MYO5A: variants seen among roughly 807,000 people sequenced by gnomAD.
MYO5A encodes the protein myosin VA.
In MYO5A, 98 loss-of-function variants were observed where a neutral mutation model predicts 249.7. That is an observed-to-expected ratio of 0.39 (90% CI 0.33 to 0.46). The LOEUF (loss-of-function observed/expected upper bound fraction) is 0.46, where lower values mean the gene tolerates loss of function less well. MYO5A is among the 20% of genes least tolerant of loss of function. The probability of loss-of-function intolerance (pLI) is 0.98; values close to 1 mark genes in which losing one functional copy is unlikely to be tolerated. For synonymous variants in MYO5A, 778 were observed against 810.6 expected, an observed-to-expected ratio of 0.96 and a Z score of 0.68; for missense variants, 1,696 against 2,308.8, an observed-to-expected ratio of 0.73 and a Z score of 5.44.
rs376965630 is a variant in MYO5A, at chr15:52,381,809, C to CACACAT, written c.2012+1281_2012+1282insATGTGT. 8.6e-5 allele frequency among the ~76,000 whole-genome samples: 13 copies of CACACAT among 151,824 alleles called. No homozygotes were observed. In the East Asian group the frequency reaches 1.2e-3, roughly 14 times the overall value. ...ACACACACACACACACACACACACA[C>CACACAT]GGAGCATGGAGGGAAGGGAAGGTGG... On this transcript the variant is annotated intron_variant, in intron 16 of 41. Coordinates refer to ENST00000399233, the MANE Select transcript of MYO5A (RefSeq NM_001382347.1).
At chr15:52,344,314 C>G (rs2039515487) in intron 30 of MYO5A, among the ~76,000 whole-genome samples, 1 of 152,164 alleles carries the variant, frequency 6.6e-6, no homozygotes, top group Admixed American at 6.5e-5. Flanking sequence ...ATTTCTTTCT[C>G]TGGATGTTTT....
At position 52,433,277 on chromosome 15, in the gene MYO5A, C is replaced by G. The variant is rs764703163; in HGVS notation, c.36G>C (p.Arg12Ser). Residue 12 changes from arginine to serine, a missense_variant, in exon 2 of 42, where the codon AGG (arginine) becomes AGC (serine). This residue lies in a region of MYO5A where 197 missense variants were observed against 320.3 expected (regional missense o/e 0.62). Transcript: ENST00000399233. ...AASELYTKFA[R>S]VWIPDPEEVW... The stretch of plus-strand genomic sequence containing the variant: ...CTTCCTCTGGATCAGGTATCCAAAC[C>G]CTGGCAAACTAGAAGACAAAAAGAA... 1 of 1,612,132 alleles carries G rather than the reference C, an allele frequency of 6.2e-7. No homozygotes were observed. The highest frequency in any genetic ancestry group is 8.5e-7 in the Non-Finnish European group (1 of 1,178,550).
At position 52,389,430 on chromosome 15, in the gene MYO5A, T is replaced by C. The variant is rs528345103; in HGVS notation, c.1543-67A>G. Reference sequence around the variant, plus strand: ...ACTGTGATTCCTCTAAAGCATCAGCTGTCAAAAGATCTTTTATTTTTTTTT... The same window carrying C: ...ACTGTGATTCCTCTAAAGCATCAGCCGTCAAAAGATCTTTTATTTTTTTTT... On this transcript the variant is annotated intron_variant, in intron 12 of 41. Transcript: ENST00000399233. 16 of 1,472,612 alleles carry C rather than the reference T, an allele frequency of 1.1e-5. No homozygotes were observed. In the African/African-American group the frequency reaches 2.0e-4, roughly 18 times the overall value. The allele number at this position is 1,472,612 out of a possible 1,614,324, so 91.2% of individuals were successfully genotyped here.
At chr15:52,345,484 C>T (rs2039576715) in intron 30 of MYO5A, among the ~76,000 whole-genome samples, 1 of 151,456 alleles carries the variant, frequency 6.6e-6, no homozygotes, top group Admixed American at 6.6e-5. Flanking sequence ...ACTCGAGAGG[C>T]TGAGGCAGGA....
chr15:52,482,910 A>G (rs561466293), intron 1 of MYO5A, among the ~76,000 whole-genome samples: 54 of 152,272 alleles, frequency 3.5e-4, no homozygotes, highest in African/African-American at 1.3e-3. Flanking sequence ...GGCTTCTATC[A>G]TTGCAATGGA....
intron 1 of MYO5A, among the ~76,000 whole-genome samples, chr15:52,491,138 C>T (rs2076928256): frequency 6.6e-6 from 1 of 152,170 alleles, no homozygotes; most frequent in African/African-American, 2.4e-5. Flanking sequence ...TTTAAGTATA[C>T]ATTTACATTC....
intron 1 of MYO5A, among the ~76,000 whole-genome samples, chr15:52,523,351 C>A (rs952861085): frequency 5.3e-5 from 8 of 152,136 alleles, no homozygotes; most frequent in African/African-American, 1.9e-4. Flanking sequence ...CTTGTTTAAC[C>A]ACATCTTTAT....
chr15:52,361,076 G>T (rs16964915), intron 24 of MYO5A, among the ~76,000 whole-genome samples: 14,793 of 152,072 alleles, frequency 0.097, 2,243 homozygotes, highest in African/African-American at 0.33. Flanking sequence ...CCAGAGGCAC[G>T]TAAAAGTCTC....
At chr15:52,377,044 T>C (rs1011169484) in intron 18 of MYO5A, among the ~76,000 whole-genome samples, 8 of 136,862 alleles carry the variant, frequency 5.8e-5, no homozygotes, top group East Asian at 2.2e-4. Flanking sequence ...GGTATTCATA[T>C]TGAGTTATGT....
At chr15:52,416,996 T>C (rs2043529655) in intron 4 of MYO5A, among the ~76,000 whole-genome samples, 1 of 152,238 alleles carries the variant, frequency 6.6e-6, no homozygotes, top group African/African-American at 2.4e-5. Context: ...GCAATGTGAT[T>C]AACATTATTT....
intron 1 of MYO5A, among the ~76,000 whole-genome samples, chr15:52,450,916 T>G (rs1017749726): frequency 2.8e-5 from 4 of 142,202 alleles, no homozygotes; most frequent in Admixed American, 7.4e-5. Context: ...GGTGTGATCA[T>G]GGCTCAGTGC....
At chr15:52,352,627 C>CA (rs2040012415) in intron 27 of MYO5A, among the ~76,000 whole-genome samples, 1 of 151,878 alleles carries the variant, frequency 6.6e-6, no homozygotes, top group African/African-American at 2.4e-5. Flanking sequence ...TAAAAAAATA[C>CA]AAAAAATCAG....
intron 33 of MYO5A, among the ~76,000 whole-genome samples, chr15:52,337,012 T>C (rs1014542256): frequency 2.6e-5 from 4 of 152,152 alleles, no homozygotes; most frequent in Non-Finnish European, 4.4e-5. Flanking sequence ...AGCCACCCTA[T>C]GAAATTCTAA....
chr15:52,410,497 T>C lies in MYO5A; in HGVS notation c.613-21A>G, dbSNP rs753729241. The C allele has an allele frequency of 5.0e-6, 8 of 1,602,890 alleles. No individual in the cohort carries two copies. The African/African-American group carries it at 8.0e-5, about 16-fold the overall frequency. On this transcript the variant is annotated intron_variant, in intron 5 of 41. Transcript: ENST00000399233. ...ATGGACTAAAAAGCAAGGGAGAAAA[T>C]AAGATTTTAGAAGTGTAATTCATAA...
chr15:52,519,351 G>A (rs568505307), intron 1 of MYO5A, among the ~76,000 whole-genome samples: 13 of 152,228 alleles, frequency 8.5e-5, no homozygotes, highest in African/African-American at 2.2e-4. Flanking sequence ...GGTAGCTCCC[G>A]CCTATAATCT....
chr15:52,328,480 T>A (rs940611793), intron 35 of MYO5A, among the ~76,000 whole-genome samples: 6 of 152,168 alleles, frequency 3.9e-5, no homozygotes, highest in Non-Finnish European at 7.4e-5. Flanking sequence ...GTTGGCTCTA[T>A]CTACAAAATA....
intron 2 of MYO5A, among the ~76,000 whole-genome samples, chr15:52,431,013 C>T (rs1026465361): frequency 4.0e-5 from 6 of 151,500 alleles, no homozygotes; most frequent in African/African-American, 1.5e-4. Context: ...GGGTGGATCA[C>T]TTGAGGTTGG....
At chr15:52,327,816 A>G (rs781649025) in intron 36 of MYO5A, 36 bp downstream of exon 36, 1 of 1,568,050 alleles carries the variant, frequency 6.4e-7, no homozygotes, top group Non-Finnish European at 8.8e-7. Flanking sequence ...CATCATTAAC[A>G]ATTCATGATG....
At chr15:52,527,786 A>T (rs1387412760) in intron 1 of MYO5A, among the ~76,000 whole-genome samples, 1 of 152,224 alleles carries the variant, frequency 6.6e-6, no homozygotes, top group Non-Finnish European at 1.5e-5. Flanking sequence ...TGACATTTGG[A>T]AACAATGATT....
Sources: gnomAD v4.1 joint callset for allele counts (sites outside exome capture counted in the v4.1 genomes callset) on GRCh38, gnomAD v4.1.1 for gene constraint, gnomAD v4.1.1 regional missense constraint, MANE v1.5 for transcripts, NCBI Gene and HGNC (gene_info 2026-07-23, HGNC 2026-07-21) for gene names.